The following LRRC8D variants were observed in gnomAD, a reference collection of about 807,000 sequenced individuals.
The protein encoded by LRRC8D is leucine rich repeat containing 8 VRAC subunit D, also known as volume-regulated anion channel subunit LRRC8D.
In LRRC8D, 20 loss-of-function variants were observed where a neutral mutation model predicts 55.8. That is an observed-to-expected ratio of 0.36 (90% CI 0.25 to 0.52). The LOEUF is 0.52. LRRC8D is among the 20% of genes least tolerant of loss of function. The pLI, the probability that LRRC8D is intolerant of heterozygous loss-of-function variation, is 0.93. For missense variants in LRRC8D, 651 were observed against 1,030.8 expected, an observed-to-expected ratio of 0.63 and a Z score of 5.05; for synonymous variants, 352 against 377.0, an observed-to-expected ratio of 0.93 and a Z score of 0.77.
At chr1:89,879,820 G>C (rs571445779) in intron 2 of LRRC8D, among the ~76,000 whole-genome samples, 1 of 152,062 alleles carries the variant, frequency 6.6e-6, no homozygotes, top group East Asian at 1.9e-4. Context: ...CTTCATGAGG[G>C]ATAAAAACAT....
intron 2 of LRRC8D, among the ~76,000 whole-genome samples, chr1:89,878,451 C>G (rs897772476): frequency 5.9e-5 from 9 of 152,206 alleles, no homozygotes; most frequent in Admixed American, 2.0e-4. Flanking sequence ...CAAGTAGTCC[C>G]ATTCTCTAGG....
At chr1:89,881,913 T>C (rs17498114) in intron 2 of LRRC8D, among the ~76,000 whole-genome samples, 18,822 of 152,262 alleles carry the variant, frequency 0.12, 1,426 homozygotes, top group Non-Finnish European at 0.17. Context: ...CTGTTAACTT[T>C]AACTCTGCGA....
At chr1:89,849,939 G>A (rs900013647) in intron 2 of LRRC8D, among the ~76,000 whole-genome samples, 2 of 152,070 alleles carry the variant, frequency 1.3e-5, no homozygotes, top group African/African-American at 4.8e-5. Context: ...TGCATTTTGA[G>A]TCATTTAAGA....
intron 2 of LRRC8D, among the ~76,000 whole-genome samples, chr1:89,875,087 A>AT (rs1410410257): frequency 1.3e-5 from 2 of 152,204 alleles, no homozygotes; most frequent in African/African-American, 2.4e-5. Flanking sequence ...TAATATGAGG[A>AT]TAAAAAAAAC....
intron 2 of LRRC8D, among the ~76,000 whole-genome samples, chr1:89,925,947 A>G (rs939922944): frequency 1.3e-5 from 2 of 152,246 alleles, no homozygotes; most frequent in African/African-American, 4.8e-5. Flanking sequence ...GTGAGATGTG[A>G]TATCTGTACA....
intron 2 of LRRC8D, among the ~76,000 whole-genome samples, chr1:89,918,541 C>T (rs1276368821): frequency 1.3e-5 from 2 of 152,222 alleles, no homozygotes; most frequent in Non-Finnish European, 2.9e-5. Context: ...TCCTCTCTGC[C>T]ATTTTATATC....
intron 1 of LRRC8D, among the ~76,000 whole-genome samples, chr1:89,826,245 A>AATTTT (rs10544709): frequency 8.1e-5 from 12 of 148,954 alleles, no homozygotes; most frequent in African/African-American, 2.7e-4. Flanking sequence ...TCAACCCTTA[A>AATTTT]ATTTTATTTT....
intron 2 of LRRC8D, among the ~76,000 whole-genome samples, chr1:89,855,380 G>A (rs1056966894): frequency 1.3e-5 from 2 of 152,312 alleles, no homozygotes; most frequent in East Asian, 1.9e-4. Flanking sequence ...GGTGTGGTTA[G>A]CATTAAAAGG....
intron 1 of LRRC8D, among the ~76,000 whole-genome samples, chr1:89,839,337 C>A (rs1236597269): frequency 6.6e-6 from 1 of 152,196 alleles, no homozygotes; most frequent in Admixed American, 6.5e-5. Context: ...GAAATTGGAG[C>A]ACTGAGCTTA....
chr1:89,863,132 A>G (rs1281057339), intron 2 of LRRC8D, among the ~76,000 whole-genome samples: 2 of 152,200 alleles, frequency 1.3e-5, no homozygotes, highest in East Asian at 3.8e-4. Context: ...GGCAAGTTTT[A>G]TAGCCTTTTC....
chr1:89,829,090 A>G (rs932912015), intron 1 of LRRC8D, among the ~76,000 whole-genome samples: 1 of 152,206 alleles, frequency 6.6e-6, no homozygotes, highest in Non-Finnish European at 1.5e-5. Flanking sequence ...AATACTAGAA[A>G]ATTAAAATGC....
chr1:89,934,589 T>C lies in LRRC8D; in HGVS notation c.1521T>C (p.Ala507=), dbSNP rs1663789127. The change falls in exon 3 of 3, where the codon GCT becomes GCC. Residue 507 remains alanine, a synonymous_variant. Transcript: ENST00000337338. This position sits in a 1 kb window ranked among gnomAD's most constrained non-coding sequence, Gnocchi z 5.9. ...LELIPEAKIP[A]KISQMTNLQE... ...TAATTCCAGAAGCTAAAATTCCTGC[T>C]AAGATTTCTCAAATGACTAACCTCC... 2 of 1,614,082 alleles carry C rather than the reference T, an allele frequency of 1.2e-6. No individual in the cohort carries two copies. Among genetic ancestry groups the C allele is most frequent in the African/African-American group, 1.3e-5 (1 of 74,932 alleles).
intron 2 of LRRC8D, among the ~76,000 whole-genome samples, chr1:89,909,807 A>T (rs974258204): frequency 2.0e-5 from 3 of 150,922 alleles, no homozygotes; most frequent in Non-Finnish European, 4.4e-5. Context: ...CGGAGCTTGC[A>T]GTGAGCCGAG....
At chr1:89,875,820 C>T (rs1237533673) in intron 2 of LRRC8D, among the ~76,000 whole-genome samples, 2 of 152,234 alleles carry the variant, frequency 1.3e-5, no homozygotes, top group African/African-American at 4.8e-5. Flanking sequence ...GCTTTGTATA[C>T]TGTTTCATTT....
chr1:89,885,418 G>A (rs1024128111), intron 2 of LRRC8D, among the ~76,000 whole-genome samples: 1 of 152,184 alleles, frequency 6.6e-6, no homozygotes, highest in African/African-American at 2.4e-5. Flanking sequence ...AGAATGATGA[G>A]GAAATCCATA....
At chr1:89,863,685 G>T (rs1437167579) in intron 2 of LRRC8D, among the ~76,000 whole-genome samples, 1 of 152,114 alleles carries the variant, frequency 6.6e-6, no homozygotes, top group Non-Finnish European at 1.5e-5. Flanking sequence ...GTTTTCTTGT[G>T]CTTTGGTGTG....
chr1:89,870,253 G>GC (rs1332229402), intron 2 of LRRC8D, among the ~76,000 whole-genome samples: 1 of 152,002 alleles, frequency 6.6e-6, no homozygotes, highest in East Asian at 1.9e-4. Flanking sequence ...GAGGCGGGTG[G>GC]ATCACGAGGT....
rs565877366 is a variant in LRRC8D at position 89,855,712 on chromosome 1, A to G, written c.-3+11930A>G. Among the ~76,000 whole-genome samples the G allele has an allele frequency of 1.1e-4, 16 of 152,342 alleles. No individual in the cohort carries two copies. The East Asian group carries it at 2.5e-3, about 24-fold the overall frequency. ...TCTTTTTGAGAGTCTTAATTTCTCC[A>G]CATAATTATATACTCTTCAAAGTGA... On this transcript the variant is annotated intron_variant, in intron 2 of 2. Transcript: ENST00000337338.
In LRRC8D at chr1:89,843,736, C is replaced by T. The variant is rs1247924768; in HGVS notation, c.-49C>T. 3 of 701,388 alleles carry T rather than the reference C, an allele frequency of 4.3e-6. No homozygotes were observed. The highest frequency in any genetic ancestry group is 3.0e-5 in the South Asian group (2 of 67,536). The allele number at this position is 701,388 out of a possible 1,614,324, so 43.4% of individuals were successfully genotyped here. A position where few individuals can be genotyped will look rare whatever the true frequency, so the allele number is the denominator to read the frequency against. On this transcript the variant is annotated 5_prime_UTR_variant, in exon 2 of 3. Coordinates refer to ENST00000337338, the MANE Select transcript of LRRC8D (RefSeq NM_001134479.2). ...CAGCCTCCGGAGCTCGCCCAAGCCG[C>T]GTCCCCAGAGAGCGCCCTGAGAGAA...
Sources: allele counts gnomAD v4.1 joint callset (sites outside exome capture counted in the v4.1 genomes callset), GRCh38; gene constraint gnomAD v4.1.1; non-coding constraint Gnocchi (gnomAD v3.1); transcripts MANE v1.5; gene names NCBI Gene and HGNC (gene_info 2026-07-23, HGNC 2026-07-21).